The following SLIT3 variants were observed in gnomAD, a reference collection of about 807,000 sequenced individuals.
SLIT3 encodes slit guidance ligand 3, also known as slit homolog 3 protein.
In SLIT3, 68 loss-of-function variants were observed where a neutral mutation model predicts 184.0. The observed-to-expected ratio is 0.37, with a 90% CI of 0.30 to 0.45. The LOEUF is 0.45. SLIT3 is among the 20% of genes least tolerant of loss of function. The pLI is 1.00. For missense variants in SLIT3, 1,707 were observed against 2,026.0 expected (o/e 0.84, Z 3.02); for synonymous variants, 831 against 828.6 (o/e 1.00, Z -0.05).
intron 4 of SLIT3, among the ~76,000 whole-genome samples, chr5:169,179,896 T>A (rs1763103276): frequency 6.6e-6 from 1 of 152,138 alleles, no homozygotes. Context: ...CTAGATGCAG[T>A]GGTAGGTAAC....
At chr5:168,713,225 C>T (rs976750816) in intron 23 of SLIT3, among the ~76,000 whole-genome samples, 7 of 152,168 alleles carry the variant, frequency 4.6e-5, no homozygotes, top group African/African-American at 7.2e-5. Flanking sequence ...TCCCACAGCA[C>T]GTTGGAGGGG....
chr5:168,810,599 C>T (rs1757127821), intron 8 of SLIT3, among the ~76,000 whole-genome samples: 1 of 152,216 alleles, frequency 6.6e-6, no homozygotes, highest in East Asian at 1.9e-4. Flanking sequence ...ATACGCGTCT[C>T]CCCTCTGGGG....
chr5:168,763,566 A>C lies in SLIT3; in HGVS notation c.1460-877T>G, dbSNP rs1373968554. Among the ~76,000 whole-genome samples the C allele has an allele frequency of 2.6e-5, 4 of 152,230 alleles. No individual in the cohort carries two copies. In the East Asian group the frequency reaches 7.7e-4, roughly 29 times the overall value. ...GGAGCTGAGATTTGCTTTTTTGAAA[A>C]GCAAATCTCCCGAAGTTGCACAGTA... On this transcript the variant is annotated intron_variant, in intron 14 of 35. Transcript: ENST00000519560.
chr5:168,928,425 C>T lies in SLIT3; in HGVS notation c.414-45089G>A, dbSNP rs151132473. Among the ~76,000 whole-genome samples, 380 of 152,272 alleles carry T rather than the reference C, an allele frequency of 2.5e-3. 2 individuals carry two copies. The highest frequency in any genetic ancestry group is 8.7e-3 in the African/African-American group (362 of 41,558). On this transcript the variant is annotated intron_variant, in intron 4 of 35. Coordinates refer to ENST00000519560, the MANE Select transcript of SLIT3 (RefSeq NM_003062.4). Reference sequence around the variant, plus strand: ...AAACAGTTGTTTAAACAAGAACCACCGTGAGAGTTCACACTCCTCGGGTGT... The same window carrying T: ...AAACAGTTGTTTAAACAAGAACCACTGTGAGAGTTCACACTCCTCGGGTGT...
At chr5:169,008,649 CTGT>C (rs1257072614) in intron 4 of SLIT3, among the ~76,000 whole-genome samples, 5 of 152,188 alleles carry the variant, frequency 3.3e-5, no homozygotes, top group Middle Eastern at 3.4e-3. Context: ...GTTGCTGCTG[CTGT>C]TGTTGTTTTT....
chr5:169,240,696 A>AATTTCT (rs1461030394), intron 3 of SLIT3, among the ~76,000 whole-genome samples: 2 of 148,748 alleles, frequency 1.3e-5, no homozygotes, highest in Non-Finnish European at 3.0e-5. Flanking sequence ...TATGTTTTTT[A>AATTTCT]ATTGGAGAAT....
chr5:169,240,608 G>GTTTTTTTTTTTTT (rs1765370752), intron 3 of SLIT3, among the ~76,000 whole-genome samples: 1 of 89,024 alleles, frequency 1.1e-5, no homozygotes, highest in Non-Finnish European at 2.3e-5. Context: ...TTACTTTCAA[G>GTTTTTTTTTTTTT]TTTTCTCTAT....
At chr5:169,157,482 C>T (rs933644326) in intron 4 of SLIT3, among the ~76,000 whole-genome samples, 2 of 152,192 alleles carry the variant, frequency 1.3e-5, no homozygotes, top group Admixed American at 6.5e-5. Flanking sequence ...GATCCCCTCC[C>T]CCCAGGTATC....
intron 32 of SLIT3, among the ~76,000 whole-genome samples, chr5:168,674,368 C>G (rs1761344509): frequency 6.6e-6 from 1 of 151,914 alleles, no homozygotes; most frequent in Admixed American, 6.6e-5. Flanking sequence ...CCACATGATG[C>G]TTGAAGGAAA....
chr5:168,820,178 T>C (rs1757477584), intron 7 of SLIT3, among the ~76,000 whole-genome samples: 1 of 152,180 alleles, frequency 6.6e-6, no homozygotes, highest in South Asian at 2.1e-4. Context: ...TTTAATTACT[T>C]TCAATAGTTT....
At chr5:169,296,224 T>C (rs1241379916) in intron 1 of SLIT3, among the ~76,000 whole-genome samples, 1 of 152,236 alleles carries the variant, frequency 6.6e-6, no homozygotes, top group African/African-American at 2.4e-5. Flanking sequence ...AGGTTCATTA[T>C]TCCTTTATTA....
At chr5:168,812,949 C>T (rs1293262995) in intron 8 of SLIT3, among the ~76,000 whole-genome samples, 1 of 151,744 alleles carries the variant, frequency 6.6e-6, no homozygotes, top group African/African-American at 2.4e-5. Context: ...AAGCATATTT[C>T]ATTTTTAATA....
At position 168,711,085 on chromosome 5, in the gene SLIT3, C is replaced by T. The variant is rs375535977; in HGVS notation, c.2556-27G>A. 72 of 1,530,244 alleles carry T rather than the reference C, an allele frequency of 4.7e-5. 1 individual carries two copies. The East Asian group carries it at 1.0e-3, about 22-fold the overall frequency. 94.8% of individuals were successfully genotyped at this position (1,530,244 alleles called of 1,614,324 possible). ...TAGGAGGCAGAACAGGAAGTCAGGG[C>T]CCCCTGCCCAGCTTGGCCAGTAGCC... On this transcript the variant is annotated intron_variant, in intron 24 of 35. Transcript: ENST00000519560.
chr5:168,875,012 G>A (rs1048987934), intron 5 of SLIT3, among the ~76,000 whole-genome samples: 5 of 151,792 alleles, frequency 3.3e-5, no homozygotes, highest in Non-Finnish European at 7.4e-5. Flanking sequence ...GGGCTCAGTG[G>A]TAATTTGTGT....
intron 4 of SLIT3, chr5:169,013,024 A>G (rs1756214530): frequency 6.6e-6 from 1 of 152,280 alleles, no homozygotes; most frequent in African/African-American, 2.4e-5. Flanking sequence ...GCACATAGCA[A>G]GTGCCAAAAA....
intron 15 of SLIT3, 41 bp downstream of exon 15, chr5:168,762,498 T>C (rs781737875): frequency 6.3e-7 from 1 of 1,592,388 alleles, no homozygotes; most frequent in East Asian, 2.3e-5. Flanking sequence ...GTGACTGGCG[T>C]GTGGGGAGGA....
chr5:168,772,866 C>T lies in SLIT3; in HGVS notation c.1374G>A (p.Glu458=). The change falls in exon 14 of 36, where the codon GAG becomes GAA. Residue 458 remains glutamate (E), a synonymous_variant. Coordinates refer to ENST00000519560, the MANE Select transcript of SLIT3 (RefSeq NM_003062.4). ...LADYLQDNPI[E]TSGARCSSPR... ...GGCTGCTGCAGCGGGCCCCGCTTGT[C>T]TCGATGGGGTTGTCCTGGAGGTAGT... 1 of 1,614,082 alleles carries T rather than the reference C, an allele frequency of 6.2e-7. No individual in the cohort carries two copies. Among genetic ancestry groups the T allele is most frequent in the Non-Finnish European group, 8.5e-7 (1 of 1,180,030 alleles).
At chr5:168,900,120 A>G (rs1031869257) in intron 4 of SLIT3, among the ~76,000 whole-genome samples, 4 of 152,250 alleles carry the variant, frequency 2.6e-5, no homozygotes, top group African/African-American at 9.6e-5. Flanking sequence ...GGCTATTACT[A>G]AAAAGTCAAA....
intron 4 of SLIT3, among the ~76,000 whole-genome samples, chr5:168,911,342 C>G (rs1363452027): frequency 6.6e-6 from 1 of 152,152 alleles, no homozygotes; most frequent in Non-Finnish European, 1.5e-5. Flanking sequence ...TCTGCATGGT[C>G]TCTAAATGCT....
Sources: gnomAD v4.1 joint callset for allele counts (sites outside exome capture counted in the v4.1 genomes callset) on GRCh38, gnomAD v4.1.1 for gene constraint, MANE v1.5 for transcripts, NCBI Gene and HGNC (gene_info 2026-07-23, HGNC 2026-07-21) for gene names.